SIRT5: variants seen among roughly 807,000 people sequenced by gnomAD.
SIRT5 encodes the protein sirtuin 5, also known as NAD-dependent protein deacylase sirtuin-5, mitochondrial.
Under a neutral mutation model 40.0 loss-of-function variants are expected in SIRT5, and 26 were observed. The ratio of observed to expected loss-of-function variants is 0.65; its 90% confidence interval spans 0.48 to 0.90. SIRT5 has a LOEUF of 0.90. Among genes scored for constraint, SIRT5 ranks in the 40% least tolerant of loss-of-function variants. SIRT5 has a pLI of 0.00. For synonymous variants in SIRT5, 146 were observed against 149.1 expected (o/e 0.98, Z 0.15); for missense variants, 401 against 402.4 (o/e 1.00, Z 0.03).
At chr6:13,597,417 CAG>C (rs1162093642) in intron 7 of SIRT5, among the ~76,000 whole-genome samples, 2 of 85,636 alleles carry the variant, frequency 2.3e-5, no homozygotes, top group Non-Finnish European at 4.4e-5. Context: ...CAGGACCAAA[CAG>C]AATGTTCATA....
chr6:13,606,741 G>T (rs1763168647), intron 9 of SIRT5, among the ~76,000 whole-genome samples: 1 of 152,100 alleles, frequency 6.6e-6, no homozygotes, highest in South Asian at 2.1e-4. Flanking sequence ...GAGTGCAGTG[G>T]CGCAATCTTG....
intron 7 of SIRT5, 86 bp from the exon 8 acceptor site, chr6:13,598,946 A>C: frequency 6.5e-7 from 1 of 1,529,700 alleles, no homozygotes; most frequent in Non-Finnish European, 8.9e-7. Flanking sequence ...ATCTGGATGT[A>C]CTAGGTTTGG....
rs1444012265 is a variant in SIRT5, at chr6:13,591,705, T to G, written c.286T>G (p.Ser96Ala). ...ATPLAFAHNP[S>A]RVWEFYHYRR... Reference sequence around the variant, plus strand: ...TCCCCTGGCCTTTGCCCACAACCCGTCCCGGGTGTGGGAGTTCTACCACTA... The same window carrying G: ...TCCCCTGGCCTTTGCCCACAACCCGGCCCGGGTGTGGGAGTTCTACCACTA... The change falls in exon 5 of 10, where the codon TCC becomes GCC. Residue 96 changes from serine to alanine, a missense_variant. Coordinates refer to ENST00000606117, the MANE Select transcript of SIRT5 (RefSeq NM_012241.5). The G allele has an allele frequency of 6.2e-7, 1 of 1,605,590 alleles. No homozygotes were observed. The highest frequency in any genetic ancestry group is 1.1e-5 in the South Asian group (1 of 90,530).
intron 9 of SIRT5, among the ~76,000 whole-genome samples, chr6:13,604,231 ATCT>A (rs1196773703): frequency 6.6e-6 from 1 of 152,222 alleles, no homozygotes; most frequent in African/African-American, 2.4e-5. Flanking sequence ...AAGTTAAATG[ATCT>A]TCTAACTTAT....
intron 2 of SIRT5, among the ~76,000 whole-genome samples, chr6:13,580,748 A>C (rs925531864): frequency 6.6e-6 from 1 of 152,160 alleles, no homozygotes; most frequent in Admixed American, 6.5e-5. Context: ...GACTCACTGC[A>C]GCCTCAACCT....
In SIRT5 at chr6:13,614,978, ACGG is replaced by A. The variant is rs540087231; in HGVS notation, c.*3119_*3121del. The A allele has an allele frequency of 6.1e-4, 129 of 210,884 alleles. No homozygotes were observed. The highest frequency in any genetic ancestry group is 3.3e-3 in the South Asian group (23 of 7,016). 13.1% of individuals were successfully genotyped at this position (210,884 alleles called of 1,614,324 possible). On this transcript the variant is annotated 3_prime_UTR_variant, in exon 10 of 10. Transcript: ENST00000606117. ...ACTCGACGGAACCCAGGGCCAAAAA[ACGG>A]CGGCGAGCAGCGCCTCGGGCCCGCG...
At chr6:13,578,150 A>G (rs898195218) in intron 1 of SIRT5, among the ~76,000 whole-genome samples, 2 of 152,162 alleles carry the variant, frequency 1.3e-5, no homozygotes, top group Admixed American at 6.5e-5. Context: ...TCCAGGGATA[A>G]ATCTCAATCA....
At chr6:13,608,763 AAAC>A (rs1763446707) in intron 9 of SIRT5, among the ~76,000 whole-genome samples, 1 of 152,226 alleles carries the variant, frequency 6.6e-6, no homozygotes, top group Non-Finnish European at 1.5e-5. Flanking sequence ...ATAATTGTAA[AAAC>A]AAAAAATACA....
chr6:13,591,643 A>T (rs1307931781), intron 4 of SIRT5, 26 bp from the exon 5 acceptor site: 5 of 1,490,930 alleles, frequency 3.4e-6, no homozygotes, highest in Middle Eastern at 2.0e-4. Context: ...TGCCTCCCTC[A>T]CTCCTGCCTC....
chr6:13,599,625 C>G (rs1762101399), intron 8 of SIRT5, among the ~76,000 whole-genome samples: 1 of 152,196 alleles, frequency 6.6e-6, no homozygotes, highest in Non-Finnish European at 1.5e-5. Context: ...GCCTTTGGGC[C>G]ACATTGGGCC....
At chr6:13,590,068 A>G (rs1473811938) in intron 4 of SIRT5, among the ~76,000 whole-genome samples, 1 of 152,306 alleles carries the variant, frequency 6.6e-6, no homozygotes, top group East Asian at 1.9e-4. Context: ...TGAAATGCAC[A>G]TGTGTTCAAT....
chr6:13,591,812 G>C lies in SIRT5; in HGVS notation c.393G>C (p.Gln131His). 1.9e-6 allele frequency: 3 copies of C among 1,614,170 alleles called. No homozygotes were observed. Among genetic ancestry groups the C allele is most frequent in the Non-Finnish European group, 2.5e-6 (3 of 1,180,010 alleles). The change falls in exon 5 of 10, where the codon CAG becomes CAC. Residue 131 changes from glutamine to histidine, a missense_variant. Transcript: ENST00000606117. ...AGTGTGAGACCCGGCTGGGCAAGCA[G>C]GGCCGGCGAGTCGTGGTCATCACCC... The part of the protein sequence containing the change: ...IAECETRLGK[Q>H]GRRVVVITQN...
At chr6:13,596,571 C>G (rs1228612797) in intron 6 of SIRT5, among the ~76,000 whole-genome samples, 2 of 152,260 alleles carry the variant, frequency 1.3e-5, no homozygotes, top group East Asian at 3.9e-4. Context: ...ACTGCAGCCT[C>G]CAACTCCTGG....
At position 13,600,938 on chromosome 6, in the gene SIRT5, G is replaced by A. The variant is rs202055546; in HGVS notation, c.846G>A (p.Thr282=). 4 of 1,613,728 alleles carry A rather than the reference G, an allele frequency of 2.5e-6. No individual in the cohort carries two copies. The highest frequency in any genetic ancestry group is 2.2e-5 in the East Asian group (1 of 44,876). ...TTAACACGGAGACCACCCCAGCTACGAACAGATTCAGGTACTGGGATACCC... is the reference window on the plus strand; with the variant it reads ...TTAACACGGAGACCACCCCAGCTACAAACAGATTCAGGTACTGGGATACCC... ...AEFNTETTPA[T]NRFRFHFQGP... is the part of the protein sequence containing the mutation. The change falls in exon 9 of 10, where the codon ACG becomes ACA. Residue 282 remains threonine, a synonymous_variant. Coordinates refer to ENST00000606117, the MANE Select transcript of SIRT5 (RefSeq NM_012241.5).
intron 4 of SIRT5, among the ~76,000 whole-genome samples, chr6:13,588,748 G>A (rs1242543335): frequency 6.6e-6 from 1 of 152,136 alleles, no homozygotes; most frequent in African/African-American, 2.4e-5. Flanking sequence ...ACCTTGGTTA[G>A]CATCATTCAT....
intron 1 of SIRT5, among the ~76,000 whole-genome samples, chr6:13,578,719 G>A (rs1217036139): frequency 6.6e-6 from 1 of 150,510 alleles, no homozygotes; most frequent in African/African-American, 2.4e-5. Flanking sequence ...TGAGTTTTCT[G>A]TAAATTTTTT....
chr6:13,578,338 C>T (rs566088402), intron 1 of SIRT5, among the ~76,000 whole-genome samples: 15 of 152,244 alleles, frequency 9.9e-5, no homozygotes, highest in African/African-American at 3.6e-4. Context: ...AGTATTTCCT[C>T]CTCTTTAGTT....
chr6:13,597,120 T>G (rs1761660283), intron 7 of SIRT5, 104 bp downstream of exon 7: 13 of 854,668 alleles, frequency 1.5e-5, no homozygotes, highest in Middle Eastern at 4.5e-4. Context: ...GCCTCTTAAA[T>G]CAAATGCACA....
At chr6:13,582,349 A>G (rs1759455422) in intron 2 of SIRT5, among the ~76,000 whole-genome samples, 3 of 152,292 alleles carry the variant, frequency 2.0e-5, no homozygotes, top group East Asian at 1.9e-4. Flanking sequence ...ACAAAATACA[A>G]TTGTGGTAAA....
Sources: gnomAD v4.1 joint callset for allele counts (sites outside exome capture counted in the v4.1 genomes callset) on GRCh38, gnomAD v4.1.1 for gene constraint, MANE v1.5 for transcripts, NCBI Gene and HGNC (gene_info 2026-07-23, HGNC 2026-07-21) for gene names.